Variants in SCEL observed in about 807,000 individuals in gnomAD.
The protein encoded by SCEL is sciellin.
SCEL carries 113 observed loss-of-function variants against 117.6 expected under a neutral mutation model. The observed-to-expected ratio is 0.96, with a 90% CI of 0.83 to 1.12. The LOEUF is 1.12. Among genes scored for constraint, SCEL ranks in the 50% most tolerant of loss-of-function variants. The probability of loss-of-function intolerance (pLI) is 0.00; values close to 1 mark genes in which losing one functional copy is unlikely to be tolerated. For missense variants in SCEL, 785 were observed against 810.8 expected (o/e 0.97, Z 0.39); for synonymous variants, 270 against 256.2 (o/e 1.05, Z -0.51).
chr13:77,537,667 C>T (rs1274004817), intron 1 of SCEL, among the ~76,000 whole-genome samples: 1 of 152,132 alleles, frequency 6.6e-6, no homozygotes, highest in African/African-American at 2.4e-5. Flanking sequence ...ACACCCTTGC[C>T]TCGAATGCCA....
intron 1 of SCEL, among the ~76,000 whole-genome samples, chr13:77,552,966 A>G (rs560954916): frequency 1.5e-4 from 23 of 152,314 alleles, no homozygotes; most frequent in African/African-American, 5.5e-4. Context: ...TAAATAGGGA[A>G]TCCTTTCGCC....
chr13:77,552,624 T>G (rs1567340303), intron 1 of SCEL, among the ~76,000 whole-genome samples: 1 of 152,186 alleles, frequency 6.6e-6, no homozygotes, highest in Non-Finnish European at 1.5e-5. Flanking sequence ...GTTGTGAAAA[T>G]TTTCTCCCAT....
intron 9 of SCEL, among the ~76,000 whole-genome samples, chr13:77,576,097 T>C (rs2085925782): frequency 6.6e-6 from 1 of 152,146 alleles, no homozygotes; most frequent in South Asian, 2.1e-4. Flanking sequence ...ACACCCTTCC[T>C]CTCTTTCCAT....
intron 5 of SCEL, 95 bp downstream of exon 5, chr13:77,563,994 G>T (rs570976567): frequency 1.2e-6 from 1 of 821,492 alleles, no homozygotes; most frequent in Non-Finnish European, 1.8e-6. Flanking sequence ...ACCAAAATAA[G>T]GTTTGAATCA....
chr13:77,608,614 A>G (rs1031968440), intron 20 of SCEL, among the ~76,000 whole-genome samples: 8 of 152,070 alleles, frequency 5.3e-5, no homozygotes, highest in Non-Finnish European at 1.0e-4. Context: ...TAATAATAAT[A>G]TTTGTTTTTT....
chr13:77,538,983 A>G (rs1448006477), intron 1 of SCEL, among the ~76,000 whole-genome samples: 1 of 152,250 alleles, frequency 6.6e-6, no homozygotes, highest in Non-Finnish European at 1.5e-5. Flanking sequence ...TTAGTTAAAA[A>G]GCTTTGGAGA....
chr13:77,636,146 G>A (rs536287128), intron 29 of SCEL, among the ~76,000 whole-genome samples: 1 of 152,204 alleles, frequency 6.6e-6, no homozygotes, highest in Non-Finnish European at 1.5e-5. Flanking sequence ...TTGACAGGCA[G>A]CGTGGTACAG....
At chr13:77,628,068 T>A in intron 28 of SCEL, 59 bp downstream of exon 28, 1 of 524,674 alleles carries the variant, frequency 1.9e-6, no homozygotes, top group Non-Finnish European at 3.2e-6. Flanking sequence ...CTGCATATAT[T>A]GTATAGCCTT....
At chr13:77,543,325 C>T (rs935508750) in intron 1 of SCEL, among the ~76,000 whole-genome samples, 3 of 151,350 alleles carry the variant, frequency 2.0e-5, no homozygotes, top group Admixed American at 6.6e-5. Flanking sequence ...CCTCGTGATC[C>T]GCCCGCCTCG....
At chr13:77,633,442 C>CAAAAAAAAAAAAAAAAAA (rs59939208) in intron 28 of SCEL, among the ~76,000 whole-genome samples, 10 of 30,014 alleles carry the variant, frequency 3.3e-4, no homozygotes, top group African/African-American at 6.8e-4. Context: ...GACTCCGCCT[C>CAAAAAAAAAAAAAAAAAA]AAAAAAAAAA....
intron 1 of SCEL, among the ~76,000 whole-genome samples, chr13:77,537,848 CATT>C (rs1567323676): frequency 6.6e-6 from 1 of 152,192 alleles, no homozygotes; most frequent in Admixed American, 6.5e-5. Context: ...ATTAAGCAAA[CATT>C]GTTTAACTGA....
At chr13:77,633,995 CT>C (rs2090155465) in intron 28 of SCEL, among the ~76,000 whole-genome samples, 1 of 152,074 alleles carries the variant, frequency 6.6e-6, no homozygotes, top group African/African-American at 2.4e-5. Context: ...GTCATGATAG[CT>C]AATTAAGGTC....
intron 32 of SCEL, 81 bp downstream of exon 32, chr13:77,642,889 T>C: frequency 1.4e-6 from 1 of 712,488 alleles, no homozygotes; most frequent in Non-Finnish European, 2.3e-6. Context: ...TGTATTTTAA[T>C]AAAGTAAAAC....
At chr13:77,546,983 A>C (rs1044757055) in intron 1 of SCEL, among the ~76,000 whole-genome samples, 1 of 152,194 alleles carries the variant, frequency 6.6e-6, no homozygotes, top group Admixed American at 6.5e-5. Flanking sequence ...CTTCCACTTC[A>C]ATTGTAATAG....
At chr13:77,548,493 T>C (rs968961751) in intron 1 of SCEL, among the ~76,000 whole-genome samples, 2 of 152,172 alleles carry the variant, frequency 1.3e-5, no homozygotes, top group African/African-American at 2.4e-5. Context: ...TAAGATCTAA[T>C]GGGGAAAAGA....
intron 1 of SCEL, among the ~76,000 whole-genome samples, chr13:77,537,931 T>C (rs555698710): frequency 6.6e-6 from 1 of 152,302 alleles, no homozygotes; most frequent in South Asian, 2.1e-4. Flanking sequence ...ATCTTTGGCC[T>C]TGCAGTCCAA....
intron 28 of SCEL, among the ~76,000 whole-genome samples, chr13:77,633,910 AT>A (rs776890915): frequency 1.3e-5 from 2 of 152,218 alleles, no homozygotes; most frequent in Admixed American, 6.5e-5. Context: ...AAAGTCTACA[AT>A]TTAAAAAAGC....
intron 22 of SCEL, among the ~76,000 whole-genome samples, chr13:77,611,539 C>A (rs547226834): frequency 6.6e-6 from 1 of 152,280 alleles, no homozygotes; most frequent in South Asian, 2.1e-4. Flanking sequence ...TTCCCTCTCC[C>A]GAGATGACTT....
At chr13:77,563,179 C>T (rs1462822056) in intron 4 of SCEL, among the ~76,000 whole-genome samples, 1 of 151,792 alleles carries the variant, frequency 6.6e-6, no homozygotes, top group East Asian at 1.9e-4. Flanking sequence ...CTTGTCTCTC[C>T]TCTTCTTCTT....
Sources: gnomAD v4.1 joint callset for allele counts (sites outside exome capture counted in the v4.1 genomes callset) on GRCh38, gnomAD v4.1.1 for gene constraint, MANE v1.5 for transcripts, NCBI Gene and HGNC (gene_info 2026-07-23, HGNC 2026-07-21) for gene names.